Variants in INPP4A observed in about 807,000 individuals in gnomAD.
The protein encoded by INPP4A is inositol polyphosphate-4-phosphatase type I A.
In INPP4A, 33 loss-of-function variants were observed where a neutral mutation model predicts 119.8. The ratio of observed to expected loss-of-function variants is 0.28; its 90% confidence interval spans 0.21 to 0.37. The LOEUF (loss-of-function observed/expected upper bound fraction) is 0.37, where lower values mean the gene tolerates loss of function less well. INPP4A is among the 10% of genes least tolerant of loss of function. The pLI, the probability that INPP4A is intolerant of heterozygous loss-of-function variation, is 1.00. For missense variants in INPP4A, 956 were observed against 1,289.9 expected (o/e 0.74, Z 3.97); for synonymous variants, 496 against 500.7 (o/e 0.99, Z 0.12).
At chr2:98,586,685 C>T (rs1235763429) in intron 24 of INPP4A, among the ~76,000 whole-genome samples, 1 of 152,218 alleles carries the variant, frequency 6.6e-6, no homozygotes, top group African/African-American at 2.4e-5. Context: ...GCCATGGCAA[C>T]CCTCCATCAG....
At chr2:98,494,251 T>C (rs562556345) in intron 1 of INPP4A, among the ~76,000 whole-genome samples, 1 of 152,328 alleles carries the variant, frequency 6.6e-6, no homozygotes, top group African/African-American at 2.4e-5. Context: ...GGCTGCATGT[T>C]GCAGAGGCTA....
chr2:98,485,258 C>T (rs561953871), intron 1 of INPP4A, among the ~76,000 whole-genome samples: 1 of 152,194 alleles, frequency 6.6e-6, no homozygotes, highest in Admixed American at 6.5e-5. Flanking sequence ...GAAATAAAAA[C>T]CTGTTATAAT....
Position 98,497,253 on chromosome 2 carries a change from T to TA in INPP4A, c.-165-21710dup, listed in dbSNP as rs368839452. Among the ~76,000 whole-genome samples, 55 of 152,324 alleles carry TA rather than the reference T, an allele frequency of 3.6e-4. 1 individual carries two copies. Among genetic ancestry groups the TA allele is most frequent in the African/African-American group, 1.3e-3 (53 of 41,576 alleles). Reference sequence around the variant, plus strand: ...ACCACTGCCTAGATTTCAGAGGCTGTATGGAAACTCCTGGGTGTCCAGGTA... The same window carrying TA: ...ACCACTGCCTAGATTTCAGAGGCTGTAATGGAAACTCCTGGGTGTCCAGGTA... On this transcript the variant is annotated intron_variant, in intron 1 of 24. Transcript: ENST00000409851.
chr2:98,448,856 T>C (rs1241624365), intron 1 of INPP4A, among the ~76,000 whole-genome samples: 1 of 152,098 alleles, frequency 6.6e-6, no homozygotes, highest in East Asian at 1.9e-4. Flanking sequence ...GTGTGTGCCA[T>C]TGCACCTGGC....
intron 1 of INPP4A, among the ~76,000 whole-genome samples, chr2:98,466,577 C>T (rs530385859): frequency 2.6e-5 from 4 of 152,318 alleles, no homozygotes; most frequent in South Asian, 2.1e-4. Flanking sequence ...GAGAGAATTG[C>T]GGCTCAGAGA....
chr2:98,444,685 T>C (rs1207921852), upstream of INPP4A, among the ~76,000 whole-genome samples: 1 of 152,180 alleles, frequency 6.6e-6, no homozygotes, highest in Non-Finnish European at 1.5e-5. Flanking sequence ...GGGTGGGATC[T>C]TGTGGGAACC....
chr2:98,530,318 G>C (rs1331604479), intron 4 of INPP4A, among the ~76,000 whole-genome samples: 1 of 152,088 alleles, frequency 6.6e-6, no homozygotes, highest in Non-Finnish European at 1.5e-5. Context: ...GTTCCCAAGA[G>C]AAAGGCCAAG....
chr2:98,564,493 G>T (rs932552131), intron 18 of INPP4A, 147 bp from the exon 19 acceptor site: 6 of 950,988 alleles, frequency 6.3e-6, no homozygotes, highest in Non-Finnish European at 9.7e-6. Context: ...TGCCCCACCT[G>T]GGCTTCTCAA....
intron 24 of INPP4A, among the ~76,000 whole-genome samples, chr2:98,583,539 G>T (rs1370659602): frequency 6.6e-6 from 1 of 152,194 alleles, no homozygotes. Flanking sequence ...CCCACACCCT[G>T]TGCAGGACGG....
Position 98,566,245 on chromosome 2 carries a change from C to G in INPP4A, c.2420+76C>G. ...TGCAGAAAACGTACTTACCCCTCTT[C>G]AGGCTCTAAGTGCTGGACAGACTTT... is the stretch of plus-strand genomic sequence containing the variant. On this transcript the variant is annotated intron_variant, in intron 21 of 24. Transcript: ENST00000409851. This position sits in a 1 kb window ranked among gnomAD's most constrained non-coding sequence, Gnocchi z 4.2. The G allele has an allele frequency of 7.0e-7, 1 of 1,421,310 alleles. No individual in the cohort carries two copies. The highest frequency in any genetic ancestry group is 9.4e-7 in the Non-Finnish European group (1 of 1,064,118). 88.0% of individuals were successfully genotyped at this position (1,421,310 alleles called of 1,614,324 possible).
intron 1 of INPP4A, among the ~76,000 whole-genome samples, chr2:98,447,017 A>G (rs765745596): frequency 6.6e-6 from 1 of 152,162 alleles, no homozygotes; most frequent in African/African-American, 2.4e-5. Context: ...CTCAGCCAAC[A>G]TCTCTTCAAA....
chr2:98,509,092 G>A (rs930338042), intron 1 of INPP4A, among the ~76,000 whole-genome samples: 10 of 152,180 alleles, frequency 6.6e-5, no homozygotes, highest in African/African-American at 2.4e-4. Flanking sequence ...GTGGGCCTCA[G>A]GTTGTCTACC....
intron 20 of INPP4A, 33 bp downstream of exon 20, chr2:98,565,799 A>C (rs62157965): frequency 0.02 from 31,276 of 1,597,578 alleles, 371 homozygotes; most frequent in Non-Finnish European, 0.024. Flanking sequence ...TCTGAGCCAG[A>C]GAGCGGTTTT....
intron 8 of INPP4A, among the ~76,000 whole-genome samples, 157 bp downstream of exon 8, chr2:98,538,131 C>T (rs1166769701): frequency 6.6e-6 from 1 of 152,184 alleles, no homozygotes; most frequent in Non-Finnish European, 1.5e-5. Flanking sequence ...CTTAGGCACA[C>T]CTTGAAGCAG....
At chr2:98,539,843 T>A (rs2105998218) in intron 10 of INPP4A, among the ~76,000 whole-genome samples, 168 bp downstream of exon 10, 1 of 152,212 alleles carries the variant, frequency 6.6e-6, no homozygotes, top group East Asian at 1.9e-4. Context: ...GTTTGCTCAT[T>A]GGGATCATGG....
At chr2:98,469,740 G>A (rs960848803) in intron 1 of INPP4A, among the ~76,000 whole-genome samples, 3 of 152,030 alleles carry the variant, frequency 2.0e-5, no homozygotes, top group African/African-American at 7.3e-5. Flanking sequence ...GGAGGTGGAG[G>A]TTGTGGTGAG....
chr2:98,523,611 G>C (rs1295023000), intron 4 of INPP4A, among the ~76,000 whole-genome samples: 1 of 152,060 alleles, frequency 6.6e-6, no homozygotes, highest in African/African-American at 2.4e-5. Context: ...AGCCAGGATG[G>C]TCTCGATCTC....
At chr2:98,483,622 A>G (rs146172153) in intron 1 of INPP4A, among the ~76,000 whole-genome samples, 7 of 152,260 alleles carry the variant, frequency 4.6e-5, no homozygotes, top group Admixed American at 2.0e-4. Context: ...GGTTCATCCT[A>G]CACTGAATGT....
chr2:98,489,913 C>T (rs1047021849), intron 1 of INPP4A, among the ~76,000 whole-genome samples: 16 of 129,960 alleles, frequency 1.2e-4, no homozygotes, highest in Admixed American at 1.2e-3. Flanking sequence ...CTTTTCTTCT[C>T]CTTCCATATG....
Sources: allele counts gnomAD v4.1 joint callset (sites outside exome capture counted in the v4.1 genomes callset), GRCh38; gene constraint gnomAD v4.1.1; non-coding constraint Gnocchi (gnomAD v3.1); transcripts MANE v1.5; gene names NCBI Gene and HGNC (gene_info 2026-07-23, HGNC 2026-07-21).